Variants in MCC observed in about 807,000 individuals in gnomAD.
MCC encodes colorectal mutant cancer protein.
MCC carries 90 observed loss-of-function variants against 116.2 expected under a neutral mutation model. That is an observed-to-expected ratio of 0.77 (90% CI 0.65 to 0.92). The LOEUF is 0.92. Among genes scored for constraint, MCC ranks in the 40% least tolerant of loss-of-function variants. The pLI is 0.00. For synonymous variants in MCC, 578 were observed against 510.5 expected (o/e 1.13, Z -1.78); for missense variants, 1,516 against 1,312.2 (o/e 1.16, Z -2.40).
chr5:113,347,007 G>T (rs1467802853), intron 2 of MCC, among the ~76,000 whole-genome samples: 1 of 151,084 alleles, frequency 6.6e-6, no homozygotes, highest in African/African-American at 2.4e-5. Flanking sequence ...CAAACATGAA[G>T]GAGAAATAAA....
At chr5:113,094,028 G>T (rs1387495706) in intron 8 of MCC, among the ~76,000 whole-genome samples, 1 of 152,152 alleles carries the variant, frequency 6.6e-6, no homozygotes, top group East Asian at 1.9e-4. Context: ...CATGCAGTTA[G>T]TCCCTGTGTA....
At chr5:113,387,540 T>G (rs543111381) in intron 1 of MCC, among the ~76,000 whole-genome samples, 1 of 152,314 alleles carries the variant, frequency 6.6e-6, no homozygotes, top group Admixed American at 6.5e-5. Context: ...ATTTAGAGAA[T>G]AGTCTTAAAT....
intron 17 of MCC, among the ~76,000 whole-genome samples, chr5:113,032,163 C>T (rs2150207980): frequency 6.6e-6 from 1 of 152,344 alleles, no homozygotes; most frequent in South Asian, 2.1e-4. Flanking sequence ...GTAATCCCAG[C>T]ACTTTGGTAG....
At chr5:113,392,009 A>G (rs1390516182) in intron 1 of MCC, among the ~76,000 whole-genome samples, 1 of 152,216 alleles carries the variant, frequency 6.6e-6, no homozygotes, top group African/African-American at 2.4e-5. Context: ...TTGAGATATG[A>G]CAAAGATTGT....
intron 1 of MCC, chr5:113,435,061 G>A (rs1770809089): frequency 1.8e-6 from 1 of 554,864 alleles, no homozygotes. Flanking sequence ...CTGGGGGAAT[G>A]AGACCCTGGC....
intron 3 of MCC, among the ~76,000 whole-genome samples, chr5:113,158,009 A>G (rs529895604): frequency 1.5e-4 from 23 of 152,300 alleles, no homozygotes; most frequent in African/African-American, 5.5e-4. Context: ...ATGGGTGGGG[A>G]GCACAGACAG....
At chr5:113,425,520 G>A (rs1770458119) in intron 1 of MCC, among the ~76,000 whole-genome samples, 1 of 152,206 alleles carries the variant, frequency 6.6e-6, no homozygotes, top group Non-Finnish European at 1.5e-5. Context: ...CAAGAAGTGA[G>A]ACTATTGATC....
Position 113,205,618 on chromosome 5 carries a change from T to C in MCC, c.628-54196A>G, listed in dbSNP as rs543495593. ...ATCAGAGGGCATGTTCTTACCAGTC[T>C]GTCCAAAGACTATGTTTTAAAAGCA... On this transcript the variant is annotated intron_variant, in intron 3 of 18. Coordinates refer to ENST00000408903, the MANE Select transcript of MCC (RefSeq NM_001085377.2). Among the ~76,000 whole-genome samples the C allele has an allele frequency of 2.0e-5, 3 of 152,384 alleles. No individual in the cohort carries two copies. The East Asian group carries it at 5.8e-4, about 29-fold the overall frequency.
intron 3 of MCC, among the ~76,000 whole-genome samples, chr5:113,224,808 T>G (rs530083352): frequency 2.0e-5 from 3 of 152,228 alleles, no homozygotes; most frequent in East Asian, 1.9e-4. Context: ...TTCACACTCC[T>G]GTTCGCAAAA....
intron 3 of MCC, among the ~76,000 whole-genome samples, chr5:113,295,687 G>C (rs1048870556): frequency 1.3e-5 from 2 of 152,170 alleles, no homozygotes; most frequent in Non-Finnish European, 2.9e-5. Flanking sequence ...TTGAGTTCCC[G>C]AGGTAAAACA....
intron 3 of MCC, among the ~76,000 whole-genome samples, chr5:113,155,815 G>C (rs942732540): frequency 2.6e-5 from 4 of 152,174 alleles, no homozygotes; most frequent in Non-Finnish European, 5.9e-5. Flanking sequence ...TCATACTCAG[G>C]AGTCAGATGC....
intron 2 of MCC, among the ~76,000 whole-genome samples, chr5:113,352,312 G>T (rs937077836): frequency 4.6e-5 from 7 of 152,096 alleles, no homozygotes; most frequent in Non-Finnish European, 8.8e-5. Flanking sequence ...GGTACCTGAT[G>T]GCTCATATGC....
rs1299904043 is a variant in MCC, at chr5:113,122,709, C to A, written c.1002G>T (p.Gln334His). 2 of 1,614,020 alleles carry A rather than the reference C, an allele frequency of 1.2e-6. No individual in the cohort carries two copies. Among genetic ancestry groups the A allele is most frequent in the African/African-American group, 2.7e-5 (2 of 74,904 alleles). The change falls in exon 6 of 19, where the codon CAG becomes CAT. Residue 334 changes from glutamine to histidine, a missense_variant. Coordinates refer to ENST00000408903, the MANE Select transcript of MCC (RefSeq NM_001085377.2). The part of the protein sequence containing the change: ...DQTSVSIPEN[Q>H]STMVTADMDN... ...CCATGTCAGCAGTAACCATGGTAGA[C>A]TGGTTTTCGGGGATAGAGACAGAGG...
intron 1 of MCC, among the ~76,000 whole-genome samples, chr5:113,390,723 C>T (rs1249510925): frequency 1.3e-5 from 2 of 152,126 alleles, no homozygotes; most frequent in Non-Finnish European, 2.9e-5. Flanking sequence ...TTCTTCCCCA[C>T]AATGATAATA....
chr5:113,105,080 T>C (rs1561814888), intron 6 of MCC, among the ~76,000 whole-genome samples: 1 of 152,254 alleles, frequency 6.6e-6, no homozygotes, highest in East Asian at 1.9e-4. Flanking sequence ...AAGACAATTT[T>C]GTTGGGAAGA....
chr5:113,139,975 G>A (rs899779469), intron 5 of MCC, among the ~76,000 whole-genome samples: 4 of 152,182 alleles, frequency 2.6e-5, no homozygotes, highest in Non-Finnish European at 5.9e-5. Context: ...ACTATCAACA[G>A]AGTAAACAGA....
chr5:113,239,737 A>T (rs978008633), intron 3 of MCC, among the ~76,000 whole-genome samples: 1 of 152,202 alleles, frequency 6.6e-6, no homozygotes, highest in African/African-American at 2.4e-5. Context: ...TTAGGCAACT[A>T]TGGTATATAC....
intron 16 of MCC, 180 bp downstream of exon 16, chr5:113,048,913 T>C: frequency 3.2e-6 from 2 of 621,026 alleles, no homozygotes; most frequent in South Asian, 3.8e-5. Context: ...ATTTCTAAAA[T>C]GTAGACCTGG....
intron 1 of MCC, among the ~76,000 whole-genome samples, chr5:113,458,043 C>T (rs1300408108): frequency 1.3e-5 from 2 of 152,114 alleles, no homozygotes; most frequent in South Asian, 2.1e-4. Context: ...CAATCAGCAC[C>T]CTGTCAAAAC....
Sources: allele counts gnomAD v4.1 joint callset (sites outside exome capture counted in the v4.1 genomes callset), GRCh38; gene constraint gnomAD v4.1.1; transcripts MANE v1.5; gene names NCBI Gene and HGNC (gene_info 2026-07-23, HGNC 2026-07-21).